The following NOTCH2NLC variants were observed in gnomAD, a reference collection of about 807,000 sequenced individuals.
NOTCH2NLC encodes notch homolog 2 N-terminal-like protein C.
A neutral mutation model predicts 17.7 loss-of-function variants in NOTCH2NLC; 4 were observed. The ratio of observed to expected loss-of-function variants is 0.23; its 90% CI spans 0.11 to 0.52. The LOEUF (loss-of-function observed/expected upper bound fraction) is 0.52, where lower values mean the gene tolerates loss of function less well. NOTCH2NLC is among the 20% of genes least tolerant of loss of function. The probability of loss-of-function intolerance (pLI) is 0.96; values close to 1 mark genes in which losing one functional copy is unlikely to be tolerated. For synonymous variants in NOTCH2NLC, 18 were observed against 86.0 expected, an observed-to-expected ratio of 0.21 and a Z score of 4.38; for missense variants, 57 against 207.2, an observed-to-expected ratio of 0.28 and a Z score of 4.45.
chr1:149,449,022 C>A (rs2084573557), intron 2 of NOTCH2NLC, among the ~76,000 whole-genome samples: 1 of 147,446 alleles, frequency 6.8e-6, no homozygotes, highest in Non-Finnish European at 1.5e-5. Context: ...GCTGGGACTA[C>A]AGGCGCCCGC....
intron 2 of NOTCH2NLC, among the ~76,000 whole-genome samples, chr1:149,446,680 G>A (rs1441474594): frequency 8.2e-6 from 1 of 121,814 alleles, no homozygotes; most frequent in Non-Finnish European, 1.7e-5. Context: ...TATGGACCTG[G>A]TAAGTATTCA....
At chr1:149,436,763 G>A (rs2084484983) in intron 2 of NOTCH2NLC, among the ~76,000 whole-genome samples, 1 of 148,800 alleles carries the variant, frequency 6.7e-6, no homozygotes, top group Non-Finnish European at 1.5e-5. Context: ...CAAGTACGGT[G>A]CCTATTTAGC....
chr1:149,432,141 GTTC>G (rs1224748887), intron 2 of NOTCH2NLC, among the ~76,000 whole-genome samples: 1 of 136,578 alleles, frequency 7.3e-6, no homozygotes, highest in Non-Finnish European at 1.6e-5. Flanking sequence ...GTGAGGAGTA[GTTC>G]TTCTTTGCTT....
intron 1 of NOTCH2NLC, among the ~76,000 whole-genome samples, chr1:149,400,750 G>C (rs2084240821): frequency 6.9e-6 from 1 of 144,040 alleles, no homozygotes; most frequent in African/African-American, 2.6e-5. Context: ...CATGATTTTG[G>C]GTGGGTGACG....
chr1:149,391,059 C>G (rs2084163532), intron 1 of NOTCH2NLC, 137 bp downstream of exon 1: 1 of 807,598 alleles, frequency 1.2e-6, no homozygotes, highest in African/African-American at 2.9e-5. Flanking sequence ...TCGCTGGGTT[C>G]CCGAGAGTTT....
chr1:149,407,351 T>G, intron 1 of NOTCH2NLC, among the ~76,000 whole-genome samples: 2 of 107,922 alleles, frequency 1.9e-5, no homozygotes, highest in Non-Finnish European at 3.8e-5. Flanking sequence ...TGAGCATGGT[T>G]GAGACACAAG....
intron 1 of NOTCH2NLC, among the ~76,000 whole-genome samples, chr1:149,394,781 C>G (rs1353863605): frequency 2.6e-5 from 4 of 151,022 alleles, no homozygotes; most frequent in Admixed American, 1.3e-4. Flanking sequence ...TCCTTCCACC[C>G]TTTCCTGATT....
At chr1:149,454,798 A>G (rs1274005545) in intron 2 of NOTCH2NLC, among the ~76,000 whole-genome samples, 1 of 150,000 alleles carries the variant, frequency 6.7e-6, no homozygotes, top group Non-Finnish European at 1.5e-5. Flanking sequence ...AGAAAGAAGC[A>G]CTTACTATTT....
At chr1:149,449,284 A>T (rs1460989445) in intron 2 of NOTCH2NLC, among the ~76,000 whole-genome samples, 7 of 150,636 alleles carry the variant, frequency 4.6e-5, no homozygotes, top group African/African-American at 1.7e-4. Flanking sequence ...ATAGCTATCA[A>T]ATGCTTAGCA....
intron 1 of NOTCH2NLC, among the ~76,000 whole-genome samples, chr1:149,414,244 A>T (rs1244929107): frequency 6.7e-6 from 1 of 149,696 alleles, no homozygotes; most frequent in Non-Finnish European, 1.5e-5. Context: ...TGGCTAGAAG[A>T]TAGAGAGCCA....
chr1:149,460,913 T>TTCTTTCTTTCTTTCTC (rs2084645506), intron 3 of NOTCH2NLC, among the ~76,000 whole-genome samples: 100 of 114,338 alleles, frequency 8.7e-4, no homozygotes, highest in East Asian at 7.8e-3. Flanking sequence ...CTTTCTTTCT[T>TTCTTTCTTTCTTTCTC]TCTCTCTCTT....
rs1214510281 is a variant in NOTCH2NLC at position 149,400,441 on chromosome 1, A to G, written c.135+9519A>G. 1.6e-4 allele frequency among the ~76,000 whole-genome samples: 22 copies of G among 137,916 alleles called. 3 individuals are homozygous for G. In the East Asian group the frequency reaches 1.9e-3, roughly 12 times the overall value. The allele number at this position is 137,916 out of a possible 152,430, so 90.5% of individuals were successfully genotyped here. A position where few individuals can be genotyped will look rare whatever the true frequency, so the allele number is the denominator to read the frequency against. Reference sequence around the variant, plus strand: ...ATTAAGGGTGTTAGTCTTTTGTCTTAAATATGTCACAATATGTATGGAAAT... The same window carrying G: ...ATTAAGGGTGTTAGTCTTTTGTCTTGAATATGTCACAATATGTATGGAAAT... On this transcript the variant is annotated intron_variant, in intron 1 of 4. Transcript: ENST00000650865.
intron 2 of NOTCH2NLC, among the ~76,000 whole-genome samples, chr1:149,439,030 T>G (rs1277765812): frequency 7.0e-6 from 1 of 141,974 alleles, no homozygotes; most frequent in Non-Finnish European, 1.5e-5. Flanking sequence ...AGTAGCTTCT[T>G]AACACATAGC....
chr1:149,461,709 A>T (rs2084651037), intron 3 of NOTCH2NLC, among the ~76,000 whole-genome samples: 1 of 151,334 alleles, frequency 6.6e-6, no homozygotes, highest in East Asian at 1.9e-4. Flanking sequence ...ACTATTCACA[A>T]TAGCAAAGAC....
intron 2 of NOTCH2NLC, among the ~76,000 whole-genome samples, chr1:149,445,071 G>GT (rs1175399941): frequency 3.6e-5 from 5 of 137,730 alleles, no homozygotes; most frequent in African/African-American, 1.4e-4. Flanking sequence ...CCTCATGCAT[G>GT]TTTTTAAAAC....
intron 1 of NOTCH2NLC, among the ~76,000 whole-genome samples, chr1:149,427,555 G>A (rs2084420237): frequency 1.3e-5 from 1 of 75,256 alleles, no homozygotes; most frequent in African/African-American, 5.6e-5. Context: ...CTGGAGTGCA[G>A]TGGAGCAATC....
At chr1:149,423,397 A>T (rs1374448566) in intron 1 of NOTCH2NLC, among the ~76,000 whole-genome samples, 1 of 151,470 alleles carries the variant, frequency 6.6e-6, no homozygotes, top group Admixed American at 6.6e-5. Flanking sequence ...TTGGTCCCAA[A>T]AAATGGAATA....
chr1:149,463,182 G>A (rs2084661278), intron 3 of NOTCH2NLC, among the ~76,000 whole-genome samples: 1 of 150,682 alleles, frequency 6.6e-6, no homozygotes, highest in African/African-American at 2.4e-5. Flanking sequence ...ACAGCTCTGA[G>A]AGAGTAGATG....
chr1:149,398,562 G>C (rs1345076209), intron 1 of NOTCH2NLC, among the ~76,000 whole-genome samples: 1 of 150,662 alleles, frequency 6.6e-6, no homozygotes, highest in African/African-American at 2.4e-5. Context: ...TTTTGTACTT[G>C]TCTTGGCAAA....
Sources: allele counts gnomAD v4.1 joint callset (sites outside exome capture counted in the v4.1 genomes callset), GRCh38; gene constraint gnomAD v4.1.1; transcripts MANE v1.5; gene names NCBI Gene and HGNC (gene_info 2026-07-23, HGNC 2026-07-21).